Variants in APOL2 observed in about 807,000 individuals in gnomAD.
APOL2 encodes the protein apolipoprotein L2.
A neutral mutation model predicts 7.1 loss-of-function variants in APOL2; 8 were observed. That is an observed-to-expected ratio of 1.12 (90% CI 0.66 to 2.03). The LOEUF is 2.03. Among genes scored for constraint, APOL2 ranks in the 30% most tolerant of loss-of-function variants. APOL2 has a pLI of 0.00. For synonymous variants in APOL2, 177 were observed against 159.9 expected (o/e 1.11, Z -0.81); for missense variants, 471 against 415.1 (o/e 1.13, Z -1.17).
Position 36,227,706 on chromosome 22 carries a change from C to G in APOL2, c.712G>C (p.Ala238Pro), listed in dbSNP as rs1286886718. 1 of 1,614,130 alleles carries G rather than the reference C, an allele frequency of 6.2e-7. No homozygotes were observed. Among genetic ancestry groups the G allele is most frequent in the African/African-American group, 1.3e-5 (1 of 74,952 alleles). ...RRARANPQLG[A>P]YAPPPHVIGR... ...ATGACATGCGGGGGTGGGGCATACG[C>G]TCCTAACTGAGGGTTGGCTCTGGCT... is the stretch of plus-strand genomic sequence containing the variant. Residue 238 changes from alanine (A) to proline (P), a missense_variant, in exon 5 of 5, where the codon GCG becomes CCG. Physicochemically the swap from Ala to Pro is conservative, Grantham distance 27. Coordinates refer to ENST00000358502, the MANE Select transcript of APOL2 (RefSeq NM_030882.4).
chr22:36,231,087 G>A (rs1430718297), intron 4 of APOL2, among the ~76,000 whole-genome samples: 1 of 152,224 alleles, frequency 6.6e-6, no homozygotes. Context: ...AAAGTAACTG[G>A]CAAAGTTCCC....
chr22:36,238,949 C>T (rs899467923), intron 1 of APOL2, among the ~76,000 whole-genome samples: 7 of 152,332 alleles, frequency 4.6e-5, no homozygotes, highest in Non-Finnish European at 7.4e-5. Context: ...GTGAGTGAGA[C>T]AACCTCTGAG....
chr22:36,227,318 A>G lies in APOL2; in HGVS notation c.*86T>C. On this transcript the variant is annotated 3_prime_UTR_variant, in exon 5 of 5. Coordinates refer to ENST00000358502, the MANE Select transcript of APOL2 (RefSeq NM_030882.4). ...GCGATAGAGCGAGACTCCATCTCAA[A>G]AAAAAAAAAAAAAAAAAAAAAAAGT... is the stretch of plus-strand genomic sequence containing the variant. 4.6e-6 allele frequency: 1 copy of G among 216,024 alleles called. No homozygotes were observed. The highest frequency in any genetic ancestry group is 5.8e-6 in the Non-Finnish European group (1 of 173,118). 13.4% of individuals were successfully genotyped at this position (216,024 alleles called of 1,614,324 possible). A position where few individuals can be genotyped will look rare whatever the true frequency, so the allele number is the denominator to read the frequency against.
At chr22:36,235,381 A>G (rs2015361658) in intron 1 of APOL2, among the ~76,000 whole-genome samples, 1 of 152,252 alleles carries the variant, frequency 6.6e-6, no homozygotes, top group Admixed American at 6.5e-5. Flanking sequence ...GTGGGGAAAC[A>G]GACCAAGATG....
intron 4 of APOL2, 123 bp downstream of exon 4, chr22:36,231,217 T>G: frequency 2.3e-6 from 3 of 1,308,888 alleles, no homozygotes; most frequent in Non-Finnish European, 3.1e-6. Flanking sequence ...GCCGAGAAGG[T>G]CATCCTCAAG....
chr22:36,228,018 C>T lies in APOL2; in HGVS notation c.400G>A (p.Gly134Ser), dbSNP rs1464097849. The T allele has an allele frequency of 4.3e-6, 7 of 1,614,102 alleles. No individual in the cohort carries two copies. The highest frequency in any genetic ancestry group is 1.1e-5 in the South Asian group (1 of 91,086). Residue 134 changes from glycine (G) to serine (S), a missense_variant, in exon 5 of 5, where the codon GGC becomes AGC. Transcript: ENST00000358502. ...TCTGTGAAGGGTGCCAGACCCAGGC[C>T]GAGGAGGGTCAGGATGCCAGAGGTA... ...GTTSGILTLL[G>S]LGLAPFTEGI... is the part of the protein sequence containing the mutation.
intron 1 of APOL2, chr22:36,236,985 C>T (rs1245803614): frequency 1.4e-5 from 19 of 1,386,554 alleles, no homozygotes; most frequent in Non-Finnish European, 1.8e-5. Flanking sequence ...TCAACGCCAT[C>T]TCATGAGCCA....
rs376794863 is a variant in APOL2, at chr22:36,227,681, A to G, written c.737T>C (p.Ile246Thr). The G allele has an allele frequency of 1.1e-5, 18 of 1,614,104 alleles. No individual in the cohort carries two copies. The highest frequency in any genetic ancestry group is 1.0e-4 in the Admixed American group (6 of 60,012). Reference sequence around the variant, plus strand: ...ACCGCCTTCAGCTGAGATTCGCCCAATGACATGCGGGGGTGGGGCATACGC... The same window carrying G: ...ACCGCCTTCAGCTGAGATTCGCCCAGTGACATGCGGGGGTGGGGCATACGC... ...LGAYAPPPHV[I>T]GRISAEGGEQ... The change falls in exon 5 of 5, where the codon ATT (isoleucine) becomes ACT (threonine). Residue 246 changes from isoleucine to threonine, a missense_variant. By Grantham distance (89) the Ile-to-Thr change is moderately conservative. Transcript: ENST00000358502.
At chr22:36,229,332 A>G (rs909613724) in intron 4 of APOL2, among the ~76,000 whole-genome samples, 1 of 151,976 alleles carries the variant, frequency 6.6e-6, no homozygotes, top group Non-Finnish European at 1.5e-5. Context: ...TGTCTTTACT[A>G]TATTTGGAGC....
intron 1 of APOL2, among the ~76,000 whole-genome samples, chr22:36,235,701 T>C (rs1355853232): frequency 6.7e-6 from 1 of 149,226 alleles, no homozygotes; most frequent in Non-Finnish European, 1.5e-5. Flanking sequence ...CACAGGGTGT[T>C]CTAAGAAAGC....
At chr22:36,230,585 G>A (rs1156899003) in intron 4 of APOL2, among the ~76,000 whole-genome samples, 1 of 152,102 alleles carries the variant, frequency 6.6e-6, no homozygotes, top group East Asian at 1.9e-4. Context: ...TCTGACACTG[G>A]TCCCGGTCTC....
intron 4 of APOL2, among the ~76,000 whole-genome samples, chr22:36,229,262 C>T (rs1020774221): frequency 6.6e-6 from 1 of 152,174 alleles, no homozygotes; most frequent in Admixed American, 6.5e-5. Flanking sequence ...ACTCTGGCGT[C>T]TCCTGTCAGT....
At chr22:36,237,153 G>A (rs1311413601) in intron 1 of APOL2, 13 of 1,521,546 alleles carry the variant, frequency 8.5e-6, no homozygotes, top group Non-Finnish European at 1.1e-5. Context: ...CCTCTGCTGG[G>A]GGTTGAGGCT....
At chr22:36,238,388 C>A (rs1287033399) in intron 1 of APOL2, among the ~76,000 whole-genome samples, 1 of 152,108 alleles carries the variant, frequency 6.6e-6, no homozygotes, top group African/African-American at 2.4e-5. Context: ...GAAATTACCC[C>A]CCTGATTTCA....
At chr22:36,231,034 T>C (rs770048079) in intron 4 of APOL2, among the ~76,000 whole-genome samples, 16 of 152,250 alleles carry the variant, frequency 1.1e-4, no homozygotes, top group Non-Finnish European at 1.9e-4. Flanking sequence ...ATCTCATTTT[T>C]CTCATAATAA....
At chr22:36,231,210 G>C in intron 4 of APOL2, 130 bp downstream of exon 4, 1 of 1,233,392 alleles carries the variant, frequency 8.1e-7, no homozygotes, top group Non-Finnish European at 1.1e-6. Context: ...CTGGAGTGCC[G>C]AGAAGGTCAT....
At chr22:36,237,846 C>T (rs1274704757) in intron 1 of APOL2, among the ~76,000 whole-genome samples, 1 of 152,192 alleles carries the variant, frequency 6.6e-6, no homozygotes, top group Non-Finnish European at 1.5e-5. Context: ...CAGGCACCCA[C>T]TGACGCCCTG....
chr22:36,228,346 G>T, intron 4 of APOL2, 66 bp from the exon 5 acceptor site: 2 of 1,536,722 alleles, frequency 1.3e-6, no homozygotes, highest in African/African-American at 2.8e-5. Flanking sequence ...AGCTCCATGC[G>T]ATCTCTATCC....
chr22:36,235,659 A>G (rs1368018683), intron 1 of APOL2, among the ~76,000 whole-genome samples: 2 of 151,346 alleles, frequency 1.3e-5, no homozygotes, highest in East Asian at 4.0e-4. Context: ...AAGGAGCTAT[A>G]TGGGGAATAG....
Sources: allele counts gnomAD v4.1 joint callset (sites outside exome capture counted in the v4.1 genomes callset), GRCh38; gene constraint gnomAD v4.1.1; transcripts MANE v1.5; gene names NCBI Gene and HGNC (gene_info 2026-07-23, HGNC 2026-07-21).